Variants in TM9SF2 observed in about 807,000 individuals in gnomAD.
TM9SF2 encodes 76 kDa membrane protein.
TM9SF2 carries 13 observed loss-of-function variants against 84.9 expected under a neutral mutation model. That is an observed-to-expected ratio of 0.15 (90% CI 0.10 to 0.24). The LOEUF (loss-of-function observed/expected upper bound fraction) is 0.24. TM9SF2 is among the 10% of genes least tolerant of loss of function. The pLI is 1.00. For synonymous variants in TM9SF2, 273 were observed against 285.8 expected, an observed-to-expected ratio of 0.96 and a Z score of 0.45; for missense variants, 562 against 818.5, an observed-to-expected ratio of 0.69 and a Z score of 3.82.
chr13:99,540,163 A>C (rs1418280418), intron 7 of TM9SF2, among the ~76,000 whole-genome samples: 1 of 152,200 alleles, frequency 6.6e-6, no homozygotes, highest in Non-Finnish European at 1.5e-5. Flanking sequence ...GTTTATCATT[A>C]AAATGCAAGA....
At chr13:99,541,049 C>T (rs2046256975) in intron 8 of TM9SF2, among the ~76,000 whole-genome samples, 1 of 152,236 alleles carries the variant, frequency 6.6e-6, no homozygotes, top group Admixed American at 6.5e-5. Flanking sequence ...TATTTGAGGA[C>T]ATTGTCTGGC....
chr13:99,546,913 G>A (rs960847003), intron 10 of TM9SF2, 72 bp from the exon 11 acceptor site: 59 of 1,590,676 alleles, frequency 3.7e-5, no homozygotes, highest in Non-Finnish European at 4.6e-5. Context: ...AAAATGAGAG[G>A]GTTTCTCTAT....
chr13:99,512,626 A>G (rs1465857797), intron 1 of TM9SF2, among the ~76,000 whole-genome samples: 1 of 152,240 alleles, frequency 6.6e-6, no homozygotes, highest in Non-Finnish European at 1.5e-5. Context: ...AAGTTTTATA[A>G]ACAGAAGATT....
chr13:99,552,404 A>G, intron 13 of TM9SF2, 78 bp downstream of exon 13: 3 of 1,373,418 alleles, frequency 2.2e-6, no homozygotes, highest in Admixed American at 4.1e-5. Context: ...AAGATACCAT[A>G]AAAGTGTGTA....
Position 99,501,532 on chromosome 13 carries a change from C to A in TM9SF2, c.-75C>A. 6.5e-7 allele frequency: 1 copy of A among 1,537,772 alleles called. No individual in the cohort carries two copies. The highest frequency in any genetic ancestry group is 8.8e-7 in the Non-Finnish European group (1 of 1,139,656). On this transcript the variant is annotated 5_prime_UTR_variant, in exon 1 of 17. Coordinates refer to ENST00000376387, the MANE Select transcript of TM9SF2 (RefSeq NM_004800.3). ...CCTTTATCTCTGGCGGCCTTGTAGT[C>A]GTCTCCGAGACTCCCCACCCCTCCT... is the stretch of plus-strand genomic sequence containing the variant.
chr13:99,513,689 T>C (rs2046122822), intron 1 of TM9SF2, among the ~76,000 whole-genome samples: 1 of 152,238 alleles, frequency 6.6e-6, no homozygotes, highest in South Asian at 2.1e-4. Flanking sequence ...CTTGTTTTTA[T>C]AGGGCCTTCA....
At chr13:99,529,383 C>G (rs772972225) in intron 3 of TM9SF2, 84 bp from the exon 4 acceptor site, 20 of 1,265,604 alleles carry the variant, frequency 1.6e-5, no homozygotes, top group Non-Finnish European at 1.9e-5. Context: ...TTAATGGGAC[C>G]AGCACTTTTA....
chr13:99,556,450 TC>T (rs1458348037), intron 15 of TM9SF2, among the ~76,000 whole-genome samples: 28 of 152,364 alleles, frequency 1.8e-4, no homozygotes, highest in Non-Finnish European at 3.4e-4. Context: ...TCTGTCTGTT[TC>T]GCCTGTTCAG....
intron 1 of TM9SF2, among the ~76,000 whole-genome samples, chr13:99,513,706 G>T (rs755714356): frequency 6.6e-6 from 1 of 152,190 alleles, no homozygotes; most frequent in African/African-American, 2.4e-5. Flanking sequence ...TTCAGGCTAA[G>T]AATTATTTTT....
Position 99,501,650 on chromosome 13 carries a change from G to A in TM9SF2, c.44G>A (p.Arg15Gln). ...LPVLSPPRWPRLLLLSLLLLG... is the reference protein window; with the variant it reads ...LPVLSPPRWPQLLLLSLLLLG... The stretch of plus-strand genomic sequence containing the variant: ...GTGTTGTCTCCACCTCGGTGGCCGC[G>A]GCTGTTGCTGCTGTCGCTGCTCCTG... Residue 15 changes from arginine to glutamine, a missense_variant, in exon 1 of 17, where the codon CGG becomes CAG. Coordinates refer to ENST00000376387, the MANE Select transcript of TM9SF2 (RefSeq NM_004800.3). 1 of 1,613,146 alleles carries A rather than the reference G, an allele frequency of 6.2e-7. No individual in the cohort carries two copies. Among genetic ancestry groups the A allele is most frequent in the East Asian group, 2.2e-5 (1 of 44,800 alleles).
At chr13:99,555,680 T>A in intron 15 of TM9SF2, 33 bp downstream of exon 15, 1 of 1,462,124 alleles carries the variant, frequency 6.8e-7, no homozygotes, top group Non-Finnish European at 9.5e-7. Flanking sequence ...TATGTTAATT[T>A]GTAGACAGTA....
At chr13:99,508,515 A>C (rs1189601662) in intron 1 of TM9SF2, among the ~76,000 whole-genome samples, 1 of 151,470 alleles carries the variant, frequency 6.6e-6, no homozygotes, top group Non-Finnish European at 1.5e-5. Context: ...TATATGCTGT[A>C]TTAGGCTGTT....
intron 13 of TM9SF2, among the ~76,000 whole-genome samples, chr13:99,552,824 G>C (rs139983626): frequency 6.6e-6 from 1 of 152,328 alleles, no homozygotes; most frequent in East Asian, 1.9e-4. Context: ...GGCTGGTCTT[G>C]AACTCCTGAC....
chr13:99,509,609 T>A (rs1035498140), intron 1 of TM9SF2, among the ~76,000 whole-genome samples: 1 of 152,022 alleles, frequency 6.6e-6, no homozygotes, highest in Non-Finnish European at 1.5e-5. Context: ...GGAGCTGGAG[T>A]GGCCTGAATG....
At chr13:99,529,890 A>G (rs1290685800) in intron 4 of TM9SF2, among the ~76,000 whole-genome samples, 2 of 152,208 alleles carry the variant, frequency 1.3e-5, no homozygotes, top group Admixed American at 6.5e-5. Flanking sequence ...CCTTGGGGAT[A>G]CTGAGGTTCA....
chr13:99,517,516 A>G, intron 1 of TM9SF2, 98 bp from the exon 2 acceptor site: 2 of 692,466 alleles, frequency 2.9e-6, no homozygotes, highest in Non-Finnish European at 4.6e-6. Context: ...ATAACATTTT[A>G]CATTTCAGAC....
intron 1 of TM9SF2, among the ~76,000 whole-genome samples, chr13:99,511,218 C>T (rs1302029396): frequency 6.6e-6 from 1 of 152,064 alleles, no homozygotes; most frequent in Non-Finnish European, 1.5e-5. Flanking sequence ...GTAATGATCA[C>T]CTTTCACTCA....
chr13:99,525,565 T>G (rs2046179168), intron 3 of TM9SF2, among the ~76,000 whole-genome samples: 1 of 150,502 alleles, frequency 6.6e-6, no homozygotes, highest in Non-Finnish European at 1.5e-5. Context: ...TTTTTTTTTT[T>G]TTTTTTTTGA....
At chr13:99,545,530 G>C (rs1244078775) in intron 10 of TM9SF2, among the ~76,000 whole-genome samples, 1 of 151,974 alleles carries the variant, frequency 6.6e-6, no homozygotes, top group Non-Finnish European at 1.5e-5. Context: ...ACTAGACTTA[G>C]AGCAGAATGA....
Sources: allele counts gnomAD v4.1 joint callset (sites outside exome capture counted in the v4.1 genomes callset), GRCh38; gene constraint gnomAD v4.1.1; transcripts MANE v1.5; gene names NCBI Gene and HGNC (gene_info 2026-07-23, HGNC 2026-07-21).